MTSS1: variants seen among roughly 807,000 people sequenced by gnomAD.
The protein encoded by MTSS1 is protein MTSS 1.
Under a neutral mutation model 79.0 loss-of-function variants are expected in MTSS1, and 18 were observed. The ratio of observed to expected loss-of-function variants is 0.23; its 90% CI spans 0.16 to 0.34. MTSS1 has a LOEUF of 0.34. Among genes scored for constraint, MTSS1 ranks in the 10% least tolerant of loss-of-function variants. MTSS1 has a pLI of 1.00. For missense variants in MTSS1, 815 were observed against 986.2 expected, an observed-to-expected ratio of 0.83 and a Z score of 2.33; for synonymous variants, 341 against 368.6, an observed-to-expected ratio of 0.93 and a Z score of 0.86.
At chr8:124,697,762 C>G (rs1829083607) in intron 3 of MTSS1, among the ~76,000 whole-genome samples, 1 of 152,162 alleles carries the variant, frequency 6.6e-6, no homozygotes, top group African/African-American at 2.4e-5. Flanking sequence ...CTATAACAGA[C>G]ACACATAAGC....
chr8:124,645,486 G>T (rs996655443), intron 3 of MTSS1, among the ~76,000 whole-genome samples: 2 of 152,130 alleles, frequency 1.3e-5, no homozygotes, highest in African/African-American at 4.8e-5. Context: ...CCTATCAATG[G>T]CAAAAATCTT....
intron 10 of MTSS1, among the ~76,000 whole-genome samples, chr8:124,561,521 C>T (rs189885849): frequency 4.5e-4 from 69 of 152,318 alleles, no homozygotes; most frequent in African/African-American, 1.6e-3. Context: ...CCCTCTTCTG[C>T]TTCCCTCCAT....
intron 3 of MTSS1, among the ~76,000 whole-genome samples, chr8:124,664,653 G>C (rs909017391): frequency 6.6e-6 from 1 of 152,126 alleles, no homozygotes; most frequent in South Asian, 2.1e-4. Context: ...TGTGTGTCAG[G>C]AGACCCCTCT....
chr8:124,657,756 C>G (rs189789880), intron 3 of MTSS1, among the ~76,000 whole-genome samples: 3 of 152,320 alleles, frequency 2.0e-5, no homozygotes, highest in African/African-American at 7.2e-5. Context: ...CTACAAAAAG[C>G]ATGAGGCTCT....
chr8:124,662,117 G>T (rs941648468), intron 3 of MTSS1, among the ~76,000 whole-genome samples: 2 of 152,138 alleles, frequency 1.3e-5, no homozygotes, highest in Non-Finnish European at 2.9e-5. Flanking sequence ...TCTATTGATC[G>T]CATGTGCTAC....
intron 1 of MTSS1, among the ~76,000 whole-genome samples, chr8:124,725,555 C>A (rs531783350): frequency 9.7e-4 from 147 of 152,196 alleles, no homozygotes; most frequent in African/African-American, 3.5e-3. Flanking sequence ...TTACGCTTTT[C>A]CCTCAGAGCA....
rs538334724 is a variant in MTSS1, at chr8:124,604,315, G to C, written c.209-13080C>G. 4.6e-5 allele frequency among the ~76,000 whole-genome samples: 7 copies of C among 152,260 alleles called. No homozygotes were observed. In the South Asian group the frequency reaches 1.5e-3, roughly 32 times the overall value. ...ATTCAAAACCATCCTGGGGCGCATGGGGCCAACAGGCCATGGGTTGGACAA... is the reference window on the plus strand; with the variant it reads ...ATTCAAAACCATCCTGGGGCGCATGCGGCCAACAGGCCATGGGTTGGACAA... On this transcript the variant is annotated intron_variant, in intron 3 of 13. Transcript: ENST00000518547.
rs755851900 is a variant in MTSS1 at position 124,597,684 on chromosome 8, C to G, written c.209-6449G>C. ...AGGTGGCGAGCGAGGACTGAAAAGA[C>G]GTTTTGTCAGGCCCAGCTTCTGCAG... On this transcript the variant is annotated intron_variant, in intron 3 of 13. Coordinates refer to ENST00000518547, the MANE Select transcript of MTSS1 (RefSeq NM_014751.6). The surrounding 1 kb of genome is among the most constrained non-coding windows in gnomAD (Gnocchi z 4.6). Among the ~76,000 whole-genome samples the G allele has an allele frequency of 1.2e-4, 18 of 152,182 alleles. No homozygotes were observed. The highest frequency in any genetic ancestry group is 2.4e-4 in the Non-Finnish European group (16 of 68,022).
chr8:124,588,269 A>T (rs1286327749), intron 5 of MTSS1, among the ~76,000 whole-genome samples: 1 of 152,148 alleles, frequency 6.6e-6, no homozygotes, highest in Non-Finnish European at 1.5e-5. Context: ...CTCCCAGAGC[A>T]CCCGGTTGGG....
At chr8:124,568,145 G>A (rs1472213077) in intron 7 of MTSS1, 31 of 676,386 alleles carry the variant, frequency 4.6e-5, no homozygotes, top group Non-Finnish European at 3.8e-5. Flanking sequence ...ACCCTGCTGG[G>A]CCTTCTTGAC....
chr8:124,725,316 GT>G (rs1387517591), intron 1 of MTSS1, among the ~76,000 whole-genome samples: 1 of 151,870 alleles, frequency 6.6e-6, no homozygotes, highest in Non-Finnish European at 1.5e-5. Context: ...AGGTTCTCTG[GT>G]TTCAGAAGAT....
chr8:124,600,293 T>C (rs543537820), intron 3 of MTSS1, among the ~76,000 whole-genome samples: 26 of 152,368 alleles, frequency 1.7e-4, no homozygotes, highest in African/African-American at 6.3e-4. Context: ...CTAAACATTC[T>C]ACTTCTTTTG....
intron 1 of MTSS1, among the ~76,000 whole-genome samples, chr8:124,705,425 C>G (rs973473477): frequency 6.6e-6 from 1 of 152,068 alleles, no homozygotes. Flanking sequence ...GAGCTGAGAT[C>G]GCACCACTGC....
chr8:124,706,361 A>G (rs975272039), intron 1 of MTSS1, among the ~76,000 whole-genome samples: 1 of 152,198 alleles, frequency 6.6e-6, no homozygotes, highest in Non-Finnish European at 1.5e-5. Context: ...TATCATTTTA[A>G]TGAAAACAAT....
At chr8:124,647,433 A>C (rs979917877) in intron 3 of MTSS1, among the ~76,000 whole-genome samples, 3 of 152,218 alleles carry the variant, frequency 2.0e-5, no homozygotes, top group African/African-American at 7.2e-5. Context: ...AAAACGACTA[A>C]GATATTTTTT....
chr8:124,590,302 A>G (rs1412066345), intron 4 of MTSS1, among the ~76,000 whole-genome samples: 1 of 152,212 alleles, frequency 6.6e-6, no homozygotes, highest in Non-Finnish European at 1.5e-5. Flanking sequence ...AGAGCTGCAC[A>G]ACAGGGACCC....
At chr8:124,715,904 A>G (rs1831875739) in intron 1 of MTSS1, among the ~76,000 whole-genome samples, 3 of 152,316 alleles carry the variant, frequency 2.0e-5, no homozygotes, top group African/African-American at 7.2e-5. Flanking sequence ...TGTAAAGGAC[A>G]CTGATGGCAG....
chr8:124,588,730 G>C (rs1039030018), intron 5 of MTSS1, among the ~76,000 whole-genome samples: 9 of 152,126 alleles, frequency 5.9e-5, no homozygotes, highest in Non-Finnish European at 1.0e-4. Context: ...GGAGGGTTAG[G>C]GGGAGGCAGT....
chr8:124,604,944 A>G (rs1489599409), intron 3 of MTSS1, among the ~76,000 whole-genome samples: 1 of 152,244 alleles, frequency 6.6e-6, no homozygotes, highest in Non-Finnish European at 1.5e-5. Context: ...GGCAGCCACA[A>G]AGACCAATAT....
Sources: gnomAD v4.1 joint callset for allele counts (sites outside exome capture counted in the v4.1 genomes callset) on GRCh38, gnomAD v4.1.1 for gene constraint, Gnocchi (gnomAD v3.1) non-coding constraint, MANE v1.5 for transcripts, NCBI Gene and HGNC (gene_info 2026-07-23, HGNC 2026-07-21) for gene names.